Variants in GALNT13 observed in about 807,000 individuals in gnomAD.
GALNT13 encodes UDP-GalNAc:polypeptide N-acetylgalactosaminyltransferase 13.
A neutral mutation model predicts 64.2 loss-of-function variants in GALNT13; 28 were observed. The observed-to-expected ratio is 0.44, with a 90% CI of 0.32 to 0.60. GALNT13 has a LOEUF of 0.60. Ranked by LOEUF, GALNT13 falls within the 20% of genes least tolerant of loss-of-function variation. The pLI is 0.05. For synonymous variants in GALNT13, 214 were observed against 224.6 expected (o/e 0.95, Z 0.42); for missense variants, 577 against 669.8 (o/e 0.86, Z 1.53).
chr2:154,412,586 A>G (rs1321224717), intron 11 of GALNT13, among the ~76,000 whole-genome samples: 1 of 151,522 alleles, frequency 6.6e-6, no homozygotes, highest in African/African-American at 2.4e-5. Context: ...TACCTTAACC[A>G]TTTCTCCTTG....
the GALNT13 span, among the ~76,000 whole-genome samples, chr2:153,186,155 T>A: frequency 6.6e-6 from 1 of 152,158 alleles, no homozygotes; most frequent in Non-Finnish European, 1.5e-5. Context: ...TATGGGTGCA[T>A]GTATATTTAG....
intron 9 of GALNT13, among the ~76,000 whole-genome samples, chr2:154,349,022 C>T (rs1696235231): frequency 6.6e-6 from 1 of 152,140 alleles, no homozygotes; most frequent in South Asian, 2.1e-4. Flanking sequence ...ACCTTAAATA[C>T]CAAATTATTT....
intron 2 of GALNT13, among the ~76,000 whole-genome samples, chr2:153,938,357 T>C (rs920519627): frequency 4.6e-5 from 7 of 152,106 alleles, no homozygotes; most frequent in African/African-American, 1.7e-4. Context: ...AAAAAGAAAG[T>C]GTGGAGATGA....
At chr2:153,308,927 AT>A in the GALNT13 span, among the ~76,000 whole-genome samples, 6 of 152,060 alleles carry the variant, frequency 3.9e-5, no homozygotes, top group South Asian at 4.2e-4. Flanking sequence ...GAGAAAAAAA[AT>A]TTTTTTTAGA....
chr2:153,320,372 G>A, the GALNT13 span, among the ~76,000 whole-genome samples: 4 of 151,964 alleles, frequency 2.6e-5, no homozygotes, highest in African/African-American at 9.7e-5. Flanking sequence ...CCACTTACTT[G>A]GCTAGCCAGT....
the GALNT13 span, among the ~76,000 whole-genome samples, chr2:153,809,464 C>G: frequency 6.6e-6 from 1 of 152,240 alleles, no homozygotes; most frequent in African/African-American, 2.4e-5. Context: ...TACATCAAAA[C>G]ATAGATAGTA....
chr2:153,168,397 T>C, the GALNT13 span, among the ~76,000 whole-genome samples: 1 of 152,190 alleles, frequency 6.6e-6, no homozygotes, highest in Non-Finnish European at 1.5e-5. Context: ...TATTTTCTTT[T>C]CCCTCTAGAT....
chr2:153,694,674 G>C, the GALNT13 span, among the ~76,000 whole-genome samples: 1 of 152,122 alleles, frequency 6.6e-6, no homozygotes, highest in Admixed American at 6.5e-5. Context: ...TGTTCTGGGA[G>C]AGTTGCACAT....
the GALNT13 span, among the ~76,000 whole-genome samples, chr2:153,685,568 T>A: frequency 2.0e-5 from 3 of 152,054 alleles, no homozygotes; most frequent in Non-Finnish European, 2.9e-5. Context: ...ATATTAGACC[T>A]GTGTTGGATG....
the GALNT13 span, among the ~76,000 whole-genome samples, chr2:153,436,310 C>T: frequency 6.6e-6 from 1 of 152,078 alleles, no homozygotes; most frequent in Non-Finnish European, 1.5e-5. Context: ...GTGTTTCTGC[C>T]AGACTTTGGT....
the GALNT13 span, among the ~76,000 whole-genome samples, chr2:153,433,996 C>T: frequency 6.6e-6 from 1 of 152,058 alleles, no homozygotes; most frequent in East Asian, 1.9e-4. Context: ...CACCCCACAA[C>T]AGTCCCCGGT....
the GALNT13 span, among the ~76,000 whole-genome samples, chr2:153,837,904 T>G: frequency 6.6e-6 from 1 of 152,026 alleles, no homozygotes; most frequent in Non-Finnish European, 1.5e-5. Flanking sequence ...TACAAGTGTT[T>G]CCTTTTCTCC....
the GALNT13 span, among the ~76,000 whole-genome samples, chr2:153,586,457 C>A: frequency 1.3e-5 from 2 of 152,116 alleles, no homozygotes; most frequent in South Asian, 4.1e-4. Context: ...CAAAGAAGGT[C>A]ATTATGTAAT....
intron 8 of GALNT13, among the ~76,000 whole-genome samples, chr2:154,289,371 G>A (rs1692468857): frequency 6.6e-6 from 1 of 152,138 alleles, no homozygotes; most frequent in Non-Finnish European, 1.5e-5. Context: ...AAATACCCGA[G>A]ACTAGGTGAT....
the GALNT13 span, among the ~76,000 whole-genome samples, chr2:153,774,549 C>T: frequency 6.6e-6 from 1 of 152,064 alleles, no homozygotes; most frequent in Non-Finnish European, 1.5e-5. Context: ...CCTATAATCC[C>T]TTTGACAAGA....
chr2:154,004,779 A>G (rs769504987), intron 3 of GALNT13, among the ~76,000 whole-genome samples: 1 of 152,170 alleles, frequency 6.6e-6, no homozygotes. Context: ...TGGCACAGTT[A>G]TGTTTCAAAT....
chr2:154,447,512 CTTTTAG>C (rs1701654161), intron 12 of GALNT13, among the ~76,000 whole-genome samples: 1 of 151,850 alleles, frequency 6.6e-6, no homozygotes, highest in Non-Finnish European at 1.5e-5. Flanking sequence ...CATGTCCTAG[CTTTTAG>C]TTTTAAAGAG....
At chr2:154,333,095 C>G (rs1695253690) in intron 9 of GALNT13, among the ~76,000 whole-genome samples, 1 of 151,970 alleles carries the variant, frequency 6.6e-6, no homozygotes, top group Non-Finnish European at 1.5e-5. Flanking sequence ...TACCTTCCCC[C>G]CAATTAAGGA....
the GALNT13 span, among the ~76,000 whole-genome samples, chr2:153,610,924 A>G: frequency 2.3e-4 from 35 of 152,270 alleles, no homozygotes; most frequent in Non-Finnish European, 3.8e-4. Flanking sequence ...TCCAACTAAT[A>G]ATTTCTTGGA....
Sources: gnomAD v4.1 joint callset for allele counts (sites outside exome capture counted in the v4.1 genomes callset) on GRCh38, gnomAD v4.1.1 for gene constraint, MANE v1.5 for transcripts, NCBI Gene and HGNC (gene_info 2026-07-23, HGNC 2026-07-21) for gene names.